CCR6: variants seen among roughly 807,000 people sequenced by gnomAD.
CCR6 encodes the protein C-C chemokine receptor type 6.
CCR6 carries 2 observed loss-of-function variants against 3.0 expected under a neutral mutation model. That is an observed-to-expected ratio of 0.66 (90% confidence interval 0.27 to 2.07). CCR6 has a LOEUF of 2.07. CCR6 is among the 30% of genes most tolerant of loss of function. The pLI, the probability that CCR6 is intolerant of heterozygous loss-of-function variation, is 0.14. For synonymous variants in CCR6, 193 were observed against 184.3 expected (o/e 1.05, Z -0.38); for missense variants, 322 against 462.8 (o/e 0.70, Z 2.79).
At chr6:167,117,573 C>G (rs911770710) in intron 1 of CCR6, among the ~76,000 whole-genome samples, 1 of 151,612 alleles carries the variant, frequency 6.6e-6, no homozygotes, top group Non-Finnish European at 1.5e-5. Context: ...CGCGCCACCA[C>G]GCCCGGCTAA....
At chr6:167,120,203 G>A (rs1425033703), upstream of CCR6, among the ~76,000 whole-genome samples, 1 of 152,010 alleles carries the variant, frequency 6.6e-6, no homozygotes, top group Non-Finnish European at 1.5e-5. Context: ...AGAGTGGGTG[G>A]GAGCCATGTC....
Position 167,136,008 on chromosome 6 carries a change from G to A in CCR6, c.-97-30G>A. The A allele has an allele frequency of 1.0e-6, 1 of 961,790 alleles. No individual in the cohort carries two copies. The highest frequency in any genetic ancestry group is 1.6e-6 in the Non-Finnish European group (1 of 623,482). 59.6% of individuals were successfully genotyped at this position (961,790 alleles called of 1,614,324 possible). A position where few individuals can be genotyped will look rare whatever the true frequency, so the allele number is the denominator to read the frequency against. On this transcript the variant is annotated intron_variant, in intron 1 of 2. Coordinates refer to ENST00000341935, the MANE Select transcript of CCR6 (RefSeq NM_031409.4). This position sits in a 1 kb window ranked among gnomAD's most constrained non-coding sequence, Gnocchi z 4.6. ...CTCTCCAGGAATACCTGTGTTAACT[G>A]TAGTGCATTTTGCCTTCTTTCCTTC...
At chr6:167,112,768 G>A (rs762530488) in intron 1 of CCR6, among the ~76,000 whole-genome samples, 3 of 152,142 alleles carry the variant, frequency 2.0e-5, no homozygotes, top group South Asian at 2.1e-4. Context: ...GTGGGATGGG[G>A]TGAGGTGGGG....
intron 1 of CCR6, among the ~76,000 whole-genome samples, chr6:167,114,315 G>A (rs143502616): frequency 8.5e-5 from 13 of 152,318 alleles, no homozygotes; most frequent in African/African-American, 3.1e-4. Context: ...TATAAATCAC[G>A]TGACTTAGCT....
Position 167,139,042 on chromosome 6 carries a change from T to A in CCR6, c.*1687T>A, listed in dbSNP as rs1269366135. ...ATTGTTCTTGTAAGCTTTAACTATA[T>A]CTCTCTTTAAAATGCAAAATAATGT... On this transcript the variant is annotated 3_prime_UTR_variant, in exon 3 of 3. Coordinates refer to ENST00000341935, the MANE Select transcript of CCR6 (RefSeq NM_031409.4). The A allele has an allele frequency of 6.6e-6, 1 of 152,212 alleles. No homozygotes were observed. The highest frequency in any genetic ancestry group is 6.5e-5 in the Admixed American group (1 of 15,278). 9.4% of individuals were successfully genotyped at this position (152,212 alleles called of 1,614,324 possible). A position where few individuals can be genotyped will look rare whatever the true frequency, so the allele number is the denominator to read the frequency against.
At chr6:167,134,547 G>A (rs745457457) in intron 1 of CCR6, among the ~76,000 whole-genome samples, 6 of 152,226 alleles carry the variant, frequency 3.9e-5, no homozygotes, top group Non-Finnish European at 8.8e-5. Flanking sequence ...TAAGAAATAG[G>A]TTTGGAAAAT....
rs1491335734 is a variant in CCR6 at position 167,130,975 on chromosome 6, C to CCCCTCCTTCCGGG, written c.-97-5063_-97-5062insCCCTCCTTCCGGG. Among the ~76,000 whole-genome samples the CCCCTCCTTCCGGG allele has an allele frequency of 3.8e-5, 5 of 131,190 alleles. No individual in the cohort carries two copies. In the East Asian group the frequency reaches 6.4e-4, roughly 17 times the overall value. 86.1% of individuals were successfully genotyped at this position (131,190 alleles called of 152,430 possible). On this transcript the variant is annotated intron_variant, in intron 1 of 2. Coordinates refer to ENST00000341935, the MANE Select transcript of CCR6 (RefSeq NM_031409.4). ...CCTCCGGGACTCCTCCCTCTGGGACCACCCTCCCTCTGGACCCCCTCCCTT... is the reference window on the plus strand; with the variant it reads ...CCTCCGGGACTCCTCCCTCTGGGACCCCCTCCTTCCGGGACCCTCCCTCTGGACCCCCTCCCTT...
At chr6:167,130,977 C>CCCTCCCTCCGGGACT (rs1562559612) in intron 1 of CCR6, among the ~76,000 whole-genome samples, 4 of 131,662 alleles carry the variant, frequency 3.0e-5, no homozygotes, top group African/African-American at 1.2e-4. Flanking sequence ...TCTGGGACCA[C>CCCTCCCTCCGGGACT]CCTCCCTCTG....
upstream of CCR6, among the ~76,000 whole-genome samples, chr6:167,118,434 A>G (rs1173019055): frequency 6.6e-6 from 1 of 152,188 alleles, no homozygotes; most frequent in Non-Finnish European, 1.5e-5. Context: ...ATCTCTTCAC[A>G]TTCCAGGTAC....
intron 1 of CCR6, among the ~76,000 whole-genome samples, chr6:167,135,740 C>G (rs1274087489): frequency 2.0e-5 from 3 of 152,196 alleles, no homozygotes; most frequent in Non-Finnish European, 4.4e-5. Context: ...ATTATAGCCT[C>G]TAGCCAACGG....
chr6:167,137,175 C>T lies in CCR6; in HGVS notation c.945C>T (p.Leu315=). 1 of 1,614,128 alleles carries T rather than the reference C, an allele frequency of 6.2e-7. No individual in the cohort carries two copies. Among genetic ancestry groups the T allele is most frequent in the East Asian group, 2.2e-5 (1 of 44,874 alleles). The change falls in exon 3 of 3, where the codon CTC becomes CTT. Residue 315 remains leucine, a synonymous_variant. Coordinates refer to ENST00000341935, the MANE Select transcript of CCR6 (RefSeq NM_031409.4). The surrounding 1 kb of genome is among the most constrained non-coding windows in gnomAD (Gnocchi z 4.6). The stretch of plus-strand genomic sequence containing the variant: ...TGCACTGCTGCCTGAACCCTGTGCT[C>T]TACGCTTTTATTGGGCAGAAGTTCA... ...AFLHCCLNPV[L]YAFIGQKFRN...
intron 1 of CCR6, among the ~76,000 whole-genome samples, chr6:167,131,837 T>C (rs1285998884): frequency 6.6e-6 from 1 of 152,200 alleles, no homozygotes; most frequent in Non-Finnish European, 1.5e-5. Context: ...ATTAACTTTA[T>C]TGAGGCTAAT....
intron 1 of CCR6, among the ~76,000 whole-genome samples, chr6:167,132,843 C>T (rs889338714): frequency 6.6e-6 from 1 of 152,098 alleles, no homozygotes; most frequent in African/African-American, 2.4e-5. Context: ...TCCCAGCCTT[C>T]ATTGTGGTTT....
intron 1 of CCR6, among the ~76,000 whole-genome samples, chr6:167,130,990 C>CCCCCCTCCCTCCGGGA (rs1781751948): frequency 5.5e-5 from 6 of 109,366 alleles, no homozygotes; most frequent in South Asian, 3.1e-4. Context: ...TCCCTCTGGA[C>CCCCCCTCCCTCCGGGA]CCCCTCCCTT....
rs1418210463 is a variant in CCR6 at position 167,136,021 on chromosome 6, C to A, written c.-97-17C>A. ...CCTGTGTTAACTGTAGTGCATTTTG[C>A]CTTCTTTCCTTCTTAGAGTCACCTC... On this transcript the variant is annotated splice_polypyrimidine_tract_variant and intron_variant, in intron 1 of 2. Transcript: ENST00000341935. This position sits in a 1 kb window ranked among gnomAD's most constrained non-coding sequence, Gnocchi z 4.6. 8.5e-7 allele frequency: 1 copy of A among 1,172,528 alleles called. No homozygotes were observed. The highest frequency in any genetic ancestry group is 1.2e-6 in the Non-Finnish European group (1 of 815,414). 72.6% of individuals were successfully genotyped at this position (1,172,528 alleles called of 1,614,324 possible). A position where few individuals can be genotyped will look rare whatever the true frequency, so the allele number is the denominator to read the frequency against.
chr6:167,124,231 A>G (rs1014534876), intron 1 of CCR6, among the ~76,000 whole-genome samples: 3 of 151,962 alleles, frequency 2.0e-5, no homozygotes, highest in Non-Finnish European at 2.9e-5. Context: ...AACAGAAAAC[A>G]TAAAAGCAAA....
intron 1 of CCR6, among the ~76,000 whole-genome samples, chr6:167,130,977 C>CCGGGACT: frequency 7.6e-6 from 1 of 131,746 alleles, no homozygotes; most frequent in East Asian, 2.1e-4. Context: ...TCTGGGACCA[C>CCGGGACT]CCTCCCTCTG....
chr6:167,114,107 G>A (rs528743528), intron 1 of CCR6, among the ~76,000 whole-genome samples: 120 of 152,370 alleles, frequency 7.9e-4, no homozygotes, highest in South Asian at 2.7e-3. Flanking sequence ...AAGATGCAAA[G>A]CAGGGCCCTT....
chr6:167,114,582 C>T (rs1781465316), intron 1 of CCR6, among the ~76,000 whole-genome samples: 1 of 152,180 alleles, frequency 6.6e-6, no homozygotes, highest in Non-Finnish European at 1.5e-5. Context: ...AATTTCAAAC[C>T]CTGGCACGGA....
Sources: gnomAD v4.1 joint callset for allele counts (sites outside exome capture counted in the v4.1 genomes callset) on GRCh38, gnomAD v4.1.1 for gene constraint, Gnocchi (gnomAD v3.1) non-coding constraint, MANE v1.5 for transcripts, NCBI Gene and HGNC (gene_info 2026-07-23, HGNC 2026-07-21) for gene names.